Variants in OAT observed in about 807,000 individuals in gnomAD.
The protein encoded by OAT is ornithine aminotransferase, mitochondrial.
In OAT, 35 loss-of-function variants were observed where a neutral mutation model predicts 48.4. The ratio of observed to expected loss-of-function variants is 0.72; its 90% CI spans 0.55 to 0.96. OAT has a LOEUF of 0.96. Among genes scored for constraint, OAT ranks in the 40% least tolerant of loss-of-function variants. The pLI is 0.00. For missense variants in OAT, 438 were observed against 537.9 expected, an observed-to-expected ratio of 0.81 and a Z score of 1.84; for synonymous variants, 182 against 198.4, an observed-to-expected ratio of 0.92 and a Z score of 0.70.
chr10:124,416,027 T>C (rs1951909530), intron 1 of OAT, among the ~76,000 whole-genome samples: 1 of 152,204 alleles, frequency 6.6e-6, no homozygotes. Flanking sequence ...ATGATAACCA[T>C]TAACATTTGG....
intron 5 of OAT, 141 bp downstream of exon 5, chr10:124,405,295 C>T: frequency 3.2e-6 from 4 of 1,263,216 alleles, no homozygotes; most frequent in Non-Finnish European, 4.4e-6. Flanking sequence ...TTGATCGCTA[C>T]TGAGAACAAG....
At position 124,397,844 on chromosome 10, in the gene OAT, T is replaced by C. The variant is rs998253222; in HGVS notation, c.*98A>G. On this transcript the variant is annotated 3_prime_UTR_variant, in exon 10 of 10. Transcript: ENST00000368845. The stretch of plus-strand genomic sequence containing the variant: ...ATTCAAAAAAAAAGTTTTTGAAGAC[T>C]CATGGGAGTGGAATGTGCCCACATT... The C allele has an allele frequency of 2.7e-5, 39 of 1,466,078 alleles. No individual in the cohort carries two copies. Among genetic ancestry groups the C allele is most frequent in the Middle Eastern group, 2.1e-4 (1 of 4,764 alleles). 90.8% of individuals were successfully genotyped at this position (1,466,078 alleles called of 1,614,324 possible). A position where few individuals can be genotyped will look rare whatever the true frequency, so the allele number is the denominator to read the frequency against.
intron 1 of OAT, among the ~76,000 whole-genome samples, chr10:124,413,267 TACAC>T (rs58272470): frequency 0.022 from 2,964 of 134,640 alleles, 29 homozygotes; most frequent in Middle Eastern, 0.03. Context: ...CATAAATACA[TACAC>T]ACACACACAC....
At chr10:124,417,028 C>A (rs1211890911) in intron 1 of OAT, among the ~76,000 whole-genome samples, 1 of 152,132 alleles carries the variant, frequency 6.6e-6, no homozygotes, top group African/African-American at 2.4e-5. Context: ...CATCCAAATT[C>A]GTGCATTCAT....
chr10:124,407,867 A>C (rs1363609342), intron 4 of OAT, among the ~76,000 whole-genome samples: 1 of 152,196 alleles, frequency 6.6e-6, no homozygotes, highest in Non-Finnish European at 1.5e-5. Flanking sequence ...CCAGTCCCAG[A>C]AACCTAACAA....
chr10:124,399,731 A>C (rs1263794932), intron 9 of OAT, among the ~76,000 whole-genome samples: 2 of 152,194 alleles, frequency 1.3e-5, no homozygotes, highest in East Asian at 3.9e-4. Flanking sequence ...AAATCCAGCA[A>C]GGAACACCTA....
rs116295389 is a variant in OAT, at chr10:124,417,720, G to T, written c.-30+1153C>A. Among the ~76,000 whole-genome samples, 969 of 152,340 alleles carry T rather than the reference G, an allele frequency of 6.4e-3. 17 individuals carry two copies. The highest frequency in any genetic ancestry group is 0.022 in the African/African-American group (930 of 41,578). ...GCGATTGATTACAATCTAAAGAACAGTTCCGGGGTTAACTGAAAGAACTAG... is the reference window on the plus strand; with the variant it reads ...GCGATTGATTACAATCTAAAGAACATTTCCGGGGTTAACTGAAAGAACTAG... On this transcript the variant is annotated intron_variant, in intron 1 of 9. Coordinates refer to ENST00000368845, the MANE Select transcript of OAT (RefSeq NM_000274.4).
chr10:124,416,254 A>G (rs1263651761), intron 1 of OAT, among the ~76,000 whole-genome samples: 6 of 152,172 alleles, frequency 3.9e-5, no homozygotes, highest in African/African-American at 1.4e-4. Flanking sequence ...AACCTAGCCC[A>G]GGTTGGGCAT....
At chr10:124,406,207 T>C (rs1036388952) in intron 4 of OAT, 4 of 813,210 alleles carry the variant, frequency 4.9e-6, no homozygotes, top group East Asian at 1.3e-4. Context: ...TGTTGGGGAA[T>C]AGACCAGGCA....
chr10:124,418,620 C>G (rs1951994750), intron 1 of OAT, among the ~76,000 whole-genome samples: 1 of 152,146 alleles, frequency 6.6e-6, no homozygotes, highest in Non-Finnish European at 1.5e-5. Context: ...AGCCGTGGGT[C>G]GCCACGCCCC....
chr10:124,412,022 A>G lies in OAT; in HGVS notation c.150T>C (p.Tyr50=). ...SDDIFEREYK[Y]GAHNYHPLPV... Reference sequence around the variant, plus strand: ...GTAAAGGATGGTAGTTGTGTGCACCATACTTATATTCCCTTTCAAAAATGT... The same window carrying G: ...GTAAAGGATGGTAGTTGTGTGCACCGTACTTATATTCCCTTTCAAAAATGT... The change falls in exon 2 of 10, where the codon TAT becomes TAC. Residue 50 remains tyrosine, a synonymous_variant. Transcript: ENST00000368845. The G allele has an allele frequency of 6.2e-7, 1 of 1,614,258 alleles. No individual in the cohort carries two copies. Among genetic ancestry groups the G allele is most frequent in the Non-Finnish European group, 8.5e-7 (1 of 1,180,050 alleles).
Position 124,401,862 on chromosome 10 carries a change from T to C in OAT, c.901-23A>G, listed in dbSNP as rs201626736. The C allele has an allele frequency of 4.5e-6, 7 of 1,541,748 alleles. No individual in the cohort carries two copies. The East Asian group carries it at 9.0e-5, about 20-fold the overall frequency. Reference sequence around the variant, plus strand: ...CACCTGAAAGACAGTCAATTCACCATGTCATTTCTCAGCACTAAGCATTCT... The same window carrying C: ...CACCTGAAAGACAGTCAATTCACCACGTCATTTCTCAGCACTAAGCATTCT... On this transcript the variant is annotated intron_variant, in intron 7 of 9. Coordinates refer to ENST00000368845, the MANE Select transcript of OAT (RefSeq NM_000274.4).
chr10:124,401,939 T>C (rs1951424140), intron 7 of OAT, 100 bp from the exon 8 acceptor site: 2 of 844,970 alleles, frequency 2.4e-6, no homozygotes, highest in South Asian at 2.8e-5. Context: ...TTGAGTGCAG[T>C]GGCGTGATCT....
At position 124,408,728 on chromosome 10, in the gene OAT, G is replaced by A. The variant is rs1407637191; in HGVS notation, c.424+13C>T. 1.9e-6 allele frequency: 3 copies of A among 1,592,524 alleles called. No individual in the cohort carries two copies. The highest frequency in any genetic ancestry group is 1.1e-5 in the South Asian group (1 of 90,510). ...TTTTTGAGGGTATTTAACAAAAAAA[G>A]GAAATGTTTTACCTGTATTCATAGG... On this transcript the variant is annotated intron_variant, in intron 3 of 9. Coordinates refer to ENST00000368845, the MANE Select transcript of OAT (RefSeq NM_000274.4).
chr10:124,402,906 GA>G lies in OAT; in HGVS notation c.900+20del. ...ATTTTACAAGAGTAGGAAATGGAAA[GA>G]GGGGGAACATGAAACTTACAGGGTA... is the stretch of plus-strand genomic sequence containing the variant. On this transcript the variant is annotated intron_variant, in intron 7 of 9. Coordinates refer to ENST00000368845, the MANE Select transcript of OAT (RefSeq NM_000274.4). The G allele has an allele frequency of 6.2e-7, 1 of 1,612,836 alleles. No individual in the cohort carries two copies. Among genetic ancestry groups the G allele is most frequent in the Admixed American group, 1.7e-5 (1 of 60,010 alleles).
intron 5 of OAT, 24 bp from the exon 6 acceptor site, chr10:124,403,944 T>G (rs1440128055): frequency 6.2e-7 from 1 of 1,613,782 alleles, no homozygotes; most frequent in East Asian, 2.2e-5. Flanking sequence ...AGGAATAAGT[T>G]TTAATAACTT....
In OAT at chr10:124,403,004, A is replaced by T. The variant is rs947658691; in HGVS notation, c.823T>A (p.Trp275Arg). The T allele has an allele frequency of 3.3e-5, 54 of 1,614,024 alleles. No homozygotes were observed. Among genetic ancestry groups the T allele is most frequent in the Non-Finnish European group, 4.4e-5 (52 of 1,180,004 alleles). The change falls in exon 7 of 10, where the codon TGG becomes AGG. Residue 275 changes from tryptophan (W) to arginine (R), a missense_variant. Physicochemically the swap from Trp to Arg is moderately radical, Grantham distance 101. Coordinates refer to ENST00000368845, the MANE Select transcript of OAT (RefSeq NM_000274.4). ...ACATTTTCATAATCAACAGCCAGCC[A>T]TCTACCAGTTCTGGCCAATCCTGTC... Reference protein sequence around the residue: ...IQTGLARTGRWLAVDYENVRP... With the variant: ...IQTGLARTGRRLAVDYENVRP...
At chr10:124,400,761 AAATT>A (rs1424233563) in intron 9 of OAT, 75 bp downstream of exon 9, 1 of 1,162,494 alleles carries the variant, frequency 8.6e-7, no homozygotes. Context: ...AAAAATAAAT[AAATT>A]AATTAAATTA....
chr10:124,408,250 CAT>C (rs151213442), intron 4 of OAT, among the ~76,000 whole-genome samples: 5,449 of 144,470 alleles, frequency 0.038, 343 homozygotes, highest in African/African-American at 0.13. Context: ...TAAATTTACA[CAT>C]ATATATATGT....
Sources: gnomAD v4.1 joint callset for allele counts (sites outside exome capture counted in the v4.1 genomes callset) on GRCh38, gnomAD v4.1.1 for gene constraint, MANE v1.5 for transcripts, NCBI Gene and HGNC (gene_info 2026-07-23, HGNC 2026-07-21) for gene names.